The following GDAP1 variants were observed in gnomAD, a reference collection of about 807,000 sequenced individuals.
The protein encoded by GDAP1 is ganglioside-induced differentiation-associated protein 1.
In GDAP1, 34 loss-of-function variants were observed where a neutral mutation model predicts 40.1. The observed-to-expected ratio is 0.85, with a 90% CI of 0.64 to 1.13. GDAP1 has a LOEUF of 1.13. Among genes scored for constraint, GDAP1 ranks in the 50% most tolerant of loss-of-function variants. The probability of loss-of-function intolerance (pLI) is 0.00; values close to 1 mark genes in which losing one functional copy is unlikely to be tolerated. For synonymous variants in GDAP1, 170 were observed against 157.4 expected (o/e 1.08, Z -0.60); for missense variants, 374 against 433.7 (o/e 0.86, Z 1.22).
chr8:74,444,019 T>TATC (rs763421773), intron 2 of GDAP1, among the ~76,000 whole-genome samples: 137 of 112,148 alleles, frequency 1.2e-3, no homozygotes, highest in Middle Eastern at 9.3e-3. Flanking sequence ...TCTATCTATC[T>TATC]ATCTATCATC....
rs1416717440 is a variant in GDAP1 at position 74,365,663 on chromosome 8, G to A, written c.*1296G>A. On this transcript the variant is annotated 3_prime_UTR_variant, in exon 6 of 6. Transcript: ENST00000220822. ...TACTAACTTTATCATTAATAGGAAA[G>A]TCATACCTAGGAAACAATGACTTTT... 1 of 454,416 alleles carries A rather than the reference G, an allele frequency of 2.2e-6. No homozygotes were observed. Among genetic ancestry groups the A allele is most frequent in the Non-Finnish European group, 4.4e-6 (1 of 226,760 alleles). 28.1% of individuals were successfully genotyped at this position (454,416 alleles called of 1,614,324 possible).
At chr8:74,456,837 A>G (rs1806341668) in intron 2 of GDAP1, among the ~76,000 whole-genome samples, 2 of 152,196 alleles carry the variant, frequency 1.3e-5, no homozygotes, top group South Asian at 2.1e-4. Context: ...TTGACCTAAC[A>G]TTCTGATGTG....
intron 2 of GDAP1, among the ~76,000 whole-genome samples, chr8:74,352,735 GA>G (rs1808940740): frequency 1.3e-5 from 2 of 152,142 alleles, no homozygotes; most frequent in South Asian, 4.1e-4. Context: ...GGACTGTACT[GA>G]AAATGACAAC....
intron 2 of GDAP1, among the ~76,000 whole-genome samples, chr8:74,410,154 A>C (rs1040448638): frequency 6.7e-6 from 1 of 150,206 alleles, no homozygotes; most frequent in Non-Finnish European, 1.5e-5. Flanking sequence ...TGTCTCTTGA[A>C]TCAGTTAAAT....
chr8:74,486,608 G>C (rs1219527889), intron 2 of GDAP1, among the ~76,000 whole-genome samples: 1 of 152,200 alleles, frequency 6.6e-6, no homozygotes, highest in Non-Finnish European at 1.5e-5. Flanking sequence ...TCTTGAGGCT[G>C]AAGCACTGTT....
At chr8:74,436,897 A>G (rs1226576119) in intron 2 of GDAP1, among the ~76,000 whole-genome samples, 3 of 152,166 alleles carry the variant, frequency 2.0e-5, no homozygotes, top group African/African-American at 7.2e-5. Context: ...AAAGTAAAGG[A>G]TTACCCGGAT....
chr8:74,424,510 G>A (rs1805923435), intron 2 of GDAP1, among the ~76,000 whole-genome samples: 1 of 152,180 alleles, frequency 6.6e-6, no homozygotes, highest in Admixed American at 6.5e-5. Flanking sequence ...TTCTAGACAA[G>A]TAGTTGCAGA....
chr8:74,400,553 T>G (rs1810307871), intron 2 of GDAP1, among the ~76,000 whole-genome samples: 1 of 150,076 alleles, frequency 6.7e-6, no homozygotes, highest in Non-Finnish European at 1.5e-5. Flanking sequence ...TCCATTTACA[T>G]TTAAAGCTAA....
chr8:74,375,453 A>G (rs1809837245), intron 2 of GDAP1, among the ~76,000 whole-genome samples: 3 of 152,250 alleles, frequency 2.0e-5, no homozygotes, highest in Non-Finnish European at 2.9e-5. Flanking sequence ...AGTAGAGTTC[A>G]TATAATGGTT....
In GDAP1 at chr8:74,361,882, A is replaced by G. The variant is rs1586804734; in HGVS notation, c.485-2A>G. ...CTGTTTCCAAAATGTTTTTATTATCAGGCCAAATTGGAAACACAGAGTCTG... is the reference window on the plus strand; with the variant it reads ...CTGTTTCCAAAATGTTTTTATTATCGGGCCAAATTGGAAACACAGAGTCTG... On this transcript the variant is annotated splice_acceptor_variant, in intron 3 of 5. Transcript: ENST00000220822. LOFTEE classifies it high-confidence loss of function. 1.3e-6 allele frequency: 2 copies of G among 1,554,358 alleles called. No homozygotes were observed. The highest frequency in any genetic ancestry group is 1.8e-6 in the Non-Finnish European group (2 of 1,124,746).
At chr8:74,399,010 C>CTT (rs1268419687) in intron 2 of GDAP1, among the ~76,000 whole-genome samples, 1 of 151,934 alleles carries the variant, frequency 6.6e-6, no homozygotes, top group Non-Finnish European at 1.5e-5. Context: ...CTAAAATTCT[C>CTT]TTTTTTGGTT....
chr8:74,366,030 T>C lies in GDAP1; in HGVS notation c.*1663T>C, dbSNP rs1397353502. On this transcript the variant is annotated 3_prime_UTR_variant, in exon 6 of 6. Transcript: ENST00000220822. ...GAACTGAGTCGTGAAGAAATAAGAA[T>C]TGGATTTTTATAAAAACCTCTGAAG... The C allele has an allele frequency of 1.1e-5, 5 of 449,758 alleles. No individual in the cohort carries two copies. The highest frequency in any genetic ancestry group is 3.2e-5 in the South Asian group (2 of 62,720). 27.9% of individuals were successfully genotyped at this position (449,758 alleles called of 1,614,324 possible).
intron 2 of GDAP1, among the ~76,000 whole-genome samples, chr8:74,381,247 A>G (rs916905114): frequency 7.9e-5 from 12 of 152,184 alleles, no homozygotes; most frequent in African/African-American, 2.7e-4. Flanking sequence ...AATTACATAC[A>G]TGTACAGAGA....
chr8:74,364,024 C>A lies in GDAP1; in HGVS notation c.734C>A (p.Thr245Asn). Residue 245 changes from threonine to asparagine, a missense_variant, in exon 6 of 6, where the codon ACC (threonine) becomes AAC (asparagine). Transcript: ENST00000220822. Reference protein sequence around the residue: ...QQPWLCGESFTLADVSLAVTL... With the variant: ...QQPWLCGESFNLADVSLAVTL... ...CCTTGGCTCTGCGGTGAATCCTTCA[C>A]CCTGGCAGACGTCTCACTCGCTGTC... The A allele has an allele frequency of 6.2e-7, 1 of 1,613,990 alleles. No individual in the cohort carries two copies. Among genetic ancestry groups the A allele is most frequent in the Non-Finnish European group, 8.5e-7 (1 of 1,179,896 alleles).
At chr8:74,432,746 C>G (rs1301150796) in intron 2 of GDAP1, among the ~76,000 whole-genome samples, 1 of 152,190 alleles carries the variant, frequency 6.6e-6, no homozygotes, top group Non-Finnish European at 1.5e-5. Flanking sequence ...TAAAAATTCG[C>G]TTTATTGGAG....
chr8:74,420,972 T>G (rs565774435), intron 2 of GDAP1, among the ~76,000 whole-genome samples: 2 of 152,280 alleles, frequency 1.3e-5, no homozygotes, highest in Non-Finnish European at 1.5e-5. Flanking sequence ...CTCTTCTCTT[T>G]CCTCATCTTT....
intron 2 of GDAP1, among the ~76,000 whole-genome samples, chr8:74,418,755 C>T (rs1432360083): frequency 3.9e-5 from 6 of 152,072 alleles, no homozygotes; most frequent in Admixed American, 2.6e-4. Flanking sequence ...AAAATACAGA[C>T]TGGTAGAAAA....
chr8:74,362,784 C>CTTTTTTTTTTT lies in GDAP1; in HGVS notation c.580-145_580-135dup, dbSNP rs1284434868. On this transcript the variant is annotated intron_variant, in intron 4 of 5. Transcript: ENST00000220822. ...CCCTTCAACTTAGCTCTCTCTCTCT[C>CTTTTTTTTTTT]TTTTTTTTTTTTTTTTTTTTGCTGA... Among the ~76,000 whole-genome samples, 51 of 60,444 alleles carry CTTTTTTTTTTT rather than the reference C, an allele frequency of 8.4e-4. 2 individuals carry two copies. The highest frequency in any genetic ancestry group is 0.012 in the Middle Eastern group (1 of 86). The allele number at this position is 60,444 out of a possible 152,430, so 39.7% of individuals were successfully genotyped here.
intron 2 of GDAP1, among the ~76,000 whole-genome samples, chr8:74,375,942 A>G (rs922890181): frequency 2.6e-5 from 4 of 152,242 alleles, no homozygotes; most frequent in African/African-American, 9.6e-5. Context: ...CAAGATCACC[A>G]TATAAAACTC....
Sources: allele counts gnomAD v4.1 joint callset (sites outside exome capture counted in the v4.1 genomes callset), GRCh38; gene constraint gnomAD v4.1.1; transcripts MANE v1.5; gene names NCBI Gene and HGNC (gene_info 2026-07-23, HGNC 2026-07-21).